CCDC57: variants seen among roughly 807,000 people sequenced by gnomAD.
CCDC57 encodes the protein coiled-coil domain-containing protein 57.
In CCDC57, 118 loss-of-function variants were observed where a neutral mutation model predicts 118.9. That is an observed-to-expected ratio of 0.99 (90% CI 0.86 to 1.16). The LOEUF (loss-of-function observed/expected upper bound fraction) is 1.16. Ranked by LOEUF, CCDC57 falls within the 50% of genes most tolerant of loss-of-function variation. The probability of loss-of-function intolerance (pLI) is 0.00; values close to 1 mark genes in which losing one functional copy is unlikely to be tolerated. For synonymous variants in CCDC57, 527 were observed against 532.9 expected, an observed-to-expected ratio of 0.99 and a Z score of 0.15; for missense variants, 1,300 against 1,320.7, an observed-to-expected ratio of 0.98 and a Z score of 0.24.
chr17:82,204,539 T>C (rs1422814031), intron 2 of CCDC57, among the ~76,000 whole-genome samples: 2 of 152,158 alleles, frequency 1.3e-5, no homozygotes, highest in Non-Finnish European at 2.9e-5. Context: ...ATCCCAGGAC[T>C]TTGGGAGGCC....
intron 9 of CCDC57, among the ~76,000 whole-genome samples, chr17:82,180,007 G>A (rs1055684137): frequency 1.3e-5 from 2 of 152,208 alleles, no homozygotes; most frequent in East Asian, 3.8e-4. Flanking sequence ...GGTCCCTCCT[G>A]TCCCAGGCAG....
intron 2 of CCDC57, among the ~76,000 whole-genome samples, chr17:82,203,322 G>A (rs2049218768): frequency 6.6e-6 from 1 of 152,242 alleles, no homozygotes; most frequent in African/African-American, 2.4e-5. Flanking sequence ...TGTACAGCCA[G>A]GAGAACCGTG....
chr17:82,200,266 AC>A (rs761495324), intron 3 of CCDC57, among the ~76,000 whole-genome samples: 1 of 152,170 alleles, frequency 6.6e-6, no homozygotes, highest in Non-Finnish European at 1.5e-5. Context: ...GCGTGGCAGA[AC>A]CCAGCGCACT....
chr17:82,188,529 G>T, intron 7 of CCDC57, 110 bp from the exon 7 acceptor site: 2 of 1,151,850 alleles, frequency 1.7e-6, no homozygotes, highest in Non-Finnish European at 2.4e-6. Flanking sequence ...GCTGCTGTAT[G>T]TCTGCCTCAA....
rs74623001 is a variant in CCDC57, at chr17:82,102,211, G to C, written c.2900-345C>G. On this transcript the variant is annotated intron_variant, in intron 19 of 19. Transcript: ENST00000665763. ...GCTGTGTGGTAATGGGTCCCAGGAG[G>C]GGGCAGGGGTGCTGGGGTAAATGGT... 7.0e-3 allele frequency among the ~76,000 whole-genome samples: 1,061 copies of C among 152,306 alleles called. 9 individuals carry two copies. The highest frequency in any genetic ancestry group is 0.025 in the African/African-American group (1,035 of 41,552).
At chr17:82,157,355 A>T in intron 15 of CCDC57, 1 of 824,778 alleles carries the variant, frequency 1.2e-6, no homozygotes, top group Non-Finnish European at 1.5e-6. Flanking sequence ...GCCCAACGCT[A>T]GGCATGGGGC....
intron 13 of CCDC57, among the ~76,000 whole-genome samples, chr17:82,163,615 T>A (rs947012809): frequency 6.6e-6 from 1 of 152,190 alleles, no homozygotes; most frequent in Non-Finnish European, 1.5e-5. Context: ...CCACGTAATG[T>A]CTGATAGAGA....
At chr17:82,162,224 C>T (rs1023176837) in intron 14 of CCDC57, among the ~76,000 whole-genome samples, 2 of 152,162 alleles carry the variant, frequency 1.3e-5, no homozygotes, top group African/African-American at 2.4e-5. Flanking sequence ...GTCTCGAACT[C>T]CTGACCTCAG....
In CCDC57 at chr17:82,118,201, G is replaced by T. The variant is rs192951349; in HGVS notation, c.2899+9491C>A. Among the ~76,000 whole-genome samples the T allele has an allele frequency of 5.0e-4, 76 of 152,310 alleles. No individual in the cohort carries two copies. Among genetic ancestry groups the T allele is most frequent in the Non-Finnish European group, 8.5e-4 (58 of 68,024 alleles). On this transcript the variant is annotated intron_variant, in intron 19 of 19. Coordinates refer to ENST00000665763, the Ensembl canonical transcript of CCDC57. The surrounding 1 kb of genome is among the most constrained non-coding windows in gnomAD (Gnocchi z 4.7). ...TTAAAAAACCACTTCTGTTCTGAGG[G>T]TGGCTGGGGAGTCTGGAGGGGTGCA...
chr17:82,129,343 A>T (rs775191235), intron 17 of CCDC57, among the ~76,000 whole-genome samples: 2 of 152,194 alleles, frequency 1.3e-5, no homozygotes, highest in Non-Finnish European at 2.9e-5. Flanking sequence ...AACCCTAAGA[A>T]CATGGAAAGG....
chr17:82,126,974 T>C (rs2037529775), intron 19 of CCDC57: 4 of 985,316 alleles, frequency 4.1e-6, no homozygotes, highest in Non-Finnish European at 4.8e-6. Flanking sequence ...GTCCCGCAAC[T>C]CCAGCTGCCT....
At chr17:82,128,627 T>C in intron 17 of CCDC57, 30 bp from the exon 17 acceptor site, 1 of 1,506,892 alleles carries the variant, frequency 6.6e-7, no homozygotes, top group Non-Finnish European at 9.0e-7. Flanking sequence ...GAGAGGACTC[T>C]GGTATTCACA....
intron 1 of CCDC57, among the ~76,000 whole-genome samples, chr17:82,210,988 C>A (rs1479197536): frequency 8.5e-6 from 1 of 117,150 alleles, no homozygotes; most frequent in Non-Finnish European, 1.7e-5. Context: ...AGAGAGACTC[C>A]GTCTTAAAAA....
intron 11 of CCDC57, among the ~76,000 whole-genome samples, chr17:82,176,943 T>TA (rs2045592992): frequency 6.6e-6 from 1 of 151,978 alleles, no homozygotes; most frequent in Admixed American, 6.6e-5. Flanking sequence ...TTGCCTTGGC[T>TA]AAAGTTAAGA....
chr17:82,157,342 A>C, intron 15 of CCDC57: 1 of 660,346 alleles, frequency 1.5e-6, no homozygotes, highest in Non-Finnish European at 2.0e-6. Flanking sequence ...CCACGCAGGG[A>C]GGGCCCAACG....
At chr17:82,147,016 G>T (rs1403119947) in intron 16 of CCDC57, among the ~76,000 whole-genome samples, 1 of 152,224 alleles carries the variant, frequency 6.6e-6, no homozygotes, top group East Asian at 1.9e-4. Flanking sequence ...CCAGATTTGG[G>T]CCTGGCGACA....
intron 13 of CCDC57, among the ~76,000 whole-genome samples, chr17:82,170,375 GCA>G (rs1467354827): frequency 2.0e-5 from 3 of 151,992 alleles, no homozygotes. Context: ...GGGCGTGGTG[GCA>G]TGCACCTGTA....
At chr17:82,113,591 G>A (rs760411782) in intron 19 of CCDC57, 14 of 717,466 alleles carry the variant, frequency 2.0e-5, no homozygotes, top group South Asian at 8.9e-5. Context: ...TGGAGCCCAC[G>A]TGCTCCTTAC....
chr17:82,129,688 CT>C (rs1031726724), intron 17 of CCDC57, among the ~76,000 whole-genome samples: 1 of 152,162 alleles, frequency 6.6e-6, no homozygotes, highest in African/African-American at 2.4e-5. Context: ...GGTGATTTGT[CT>C]TTTTCTTATT....
Sources: allele counts gnomAD v4.1 joint callset (sites outside exome capture counted in the v4.1 genomes callset), GRCh38; gene constraint gnomAD v4.1.1; non-coding constraint Gnocchi (gnomAD v3.1); transcripts MANE v1.5; gene names NCBI Gene and HGNC (gene_info 2026-07-23, HGNC 2026-07-21).